Variants in CNTN5 observed in about 807,000 individuals in gnomAD.
CNTN5 encodes contactin 5.
Under a neutral mutation model 129.1 loss-of-function variants are expected in CNTN5, and 77 were observed. The observed-to-expected ratio is 0.60, with a 90% CI of 0.50 to 0.72. The LOEUF is 0.72. Among genes scored for constraint, CNTN5 ranks in the 30% least tolerant of loss-of-function variants. The pLI, the probability that CNTN5 is intolerant of heterozygous loss-of-function variation, is 0.00. For synonymous variants in CNTN5, 509 were observed against 465.6 expected (o/e 1.09, Z -1.20); for missense variants, 1,478 against 1,328.8 (o/e 1.11, Z -1.75).
chr11:99,353,746 G>T (rs1565514502), intron 2 of CNTN5, among the ~76,000 whole-genome samples: 1 of 152,136 alleles, frequency 6.6e-6, no homozygotes, highest in South Asian at 2.1e-4. Context: ...TCTCTGCTGT[G>T]CATCCTGATT....
chr11:100,032,497 CA>C (rs1411187469), intron 9 of CNTN5, among the ~76,000 whole-genome samples: 1 of 151,072 alleles, frequency 6.6e-6, no homozygotes, highest in East Asian at 1.9e-4. Flanking sequence ...ATGTAATTAG[CA>C]AAAAATAATG....
intron 1 of CNTN5, among the ~76,000 whole-genome samples, chr11:99,067,042 ATTTTCCC>A (rs935327863): frequency 1.3e-5 from 2 of 151,982 alleles, no homozygotes; most frequent in Non-Finnish European, 2.9e-5. Context: ...CTTCCCACTT[ATTTTCCC>A]TTTTCTATCA....
Position 99,771,736 on chromosome 11 carries a change from T to G in CNTN5, c.56-47808T>G, listed in dbSNP as rs553211327. On this transcript the variant is annotated intron_variant, in intron 3 of 24. Transcript: ENST00000524871. ...GGGATTTAATATACAGCATGTCAAG[T>G]AAGGTTAATAATGCCGTATTGTAAA... is the stretch of plus-strand genomic sequence containing the variant. Among the ~76,000 whole-genome samples, 37 of 152,102 alleles carry G rather than the reference T, an allele frequency of 2.4e-4. 1 individual carries two copies. Among genetic ancestry groups the G allele is most frequent in the Middle Eastern group, 3.4e-3 (1 of 294 alleles).
At chr11:100,052,183 C>A (rs1469329660) in intron 9 of CNTN5, among the ~76,000 whole-genome samples, 1 of 151,830 alleles carries the variant, frequency 6.6e-6, no homozygotes, top group Non-Finnish European at 1.5e-5. Context: ...ATCCATTATA[C>A]ACGATGAAAC....
At chr11:100,131,816 T>C (rs994206733) in intron 13 of CNTN5, among the ~76,000 whole-genome samples, 2 of 151,858 alleles carry the variant, frequency 1.3e-5, no homozygotes, top group East Asian at 1.9e-4. Context: ...TAGGCTGAAG[T>C]TGGGGGAAGG....
chr11:99,292,475 G>A lies in CNTN5; in HGVS notation c.-209-32871G>A, dbSNP rs915787917. Among the ~76,000 whole-genome samples the A allele has an allele frequency of 7.2e-5, 11 of 151,796 alleles. 1 individual carries two copies. The highest frequency in any genetic ancestry group is 1.7e-4 in the African/African-American group (7 of 41,376). ...AATTTGAAAATTTCTTTCTCTTGTC[G>A]AATTGCTCTGGCTAGGACTTCCAGT... On this transcript the variant is annotated intron_variant, in intron 1 of 24. Coordinates refer to ENST00000524871, the MANE Select transcript of CNTN5 (RefSeq NM_014361.4).
At chr11:99,501,302 C>T (rs1041010825) in intron 2 of CNTN5, among the ~76,000 whole-genome samples, 2 of 152,130 alleles carry the variant, frequency 1.3e-5, no homozygotes, top group Admixed American at 1.3e-4. Flanking sequence ...TCTGCTCCTT[C>T]ATGAAATGAA....
chr11:99,459,242 A>T (rs1944602423), intron 2 of CNTN5, among the ~76,000 whole-genome samples: 1 of 151,960 alleles, frequency 6.6e-6, no homozygotes. Context: ...AAGTTTGAGG[A>T]CTATGAAGGA....
chr11:99,878,871 A>C (rs532558251), intron 6 of CNTN5, among the ~76,000 whole-genome samples: 1 of 151,998 alleles, frequency 6.6e-6, no homozygotes, highest in African/African-American at 2.4e-5. Flanking sequence ...ATAATTAATA[A>C]TTTTTTTTAA....
chr11:99,989,616 T>G (rs1938923671), intron 8 of CNTN5, among the ~76,000 whole-genome samples: 1 of 152,186 alleles, frequency 6.6e-6, no homozygotes, highest in Non-Finnish European at 1.5e-5. Flanking sequence ...TTGTTTCTGA[T>G]TACATGCATG....
At chr11:99,894,941 G>A (rs1007643521) in intron 6 of CNTN5, among the ~76,000 whole-genome samples, 1 of 152,150 alleles carries the variant, frequency 6.6e-6, no homozygotes, top group Non-Finnish European at 1.5e-5. Context: ...ACTGCCCAAA[G>A]TCACCAGAGT....
chr11:99,926,272 G>C (rs1950060277), intron 7 of CNTN5, among the ~76,000 whole-genome samples: 1 of 152,134 alleles, frequency 6.6e-6, no homozygotes, highest in African/African-American at 2.4e-5. Context: ...GCAACTAGAA[G>C]ATGAATGGCA....
chr11:99,488,234 G>A (rs939015394), intron 2 of CNTN5, among the ~76,000 whole-genome samples: 4 of 143,518 alleles, frequency 2.8e-5, no homozygotes, highest in East Asian at 2.2e-4. Context: ...GTGCAGTGGC[G>A]CGATCTCGGC....
intron 4 of CNTN5, among the ~76,000 whole-genome samples, chr11:99,841,882 A>G (rs1296012695): frequency 0.014 from 273 of 20,208 alleles, no homozygotes; most frequent in African/African-American, 0.023. Flanking sequence ...ACACATACAT[A>G]TACATATATA....
At chr11:99,197,237 A>G (rs1858948462) in intron 1 of CNTN5, among the ~76,000 whole-genome samples, 1 of 152,006 alleles carries the variant, frequency 6.6e-6, no homozygotes, top group African/African-American at 2.4e-5. Context: ...TTATACAATT[A>G]AAATTATAAA....
Position 99,658,930 on chromosome 11 carries a change from C to T in CNTN5, c.55+102661C>T, listed in dbSNP as rs1403550765. Among the ~76,000 whole-genome samples the T allele has an allele frequency of 2.0e-5, 3 of 150,584 alleles. No homozygotes were observed. The East Asian group carries it at 5.8e-4, about 29-fold the overall frequency. ...AGAAAAAGAAAAATATAATGAGTGC[C>T]ATTGCCCTGTCTAGAACCCTCTTCC... On this transcript the variant is annotated intron_variant, in intron 3 of 24. Coordinates refer to ENST00000524871, the MANE Select transcript of CNTN5 (RefSeq NM_014361.4).
At chr11:99,688,576 CCA>C (rs1423538215) in intron 3 of CNTN5, among the ~76,000 whole-genome samples, 5 of 151,846 alleles carry the variant, frequency 3.3e-5, no homozygotes, top group Middle Eastern at 3.4e-3. Flanking sequence ...ATTTTTTTTT[CCA>C]CAGTGTTTTT....
intron 7 of CNTN5, among the ~76,000 whole-genome samples, chr11:99,951,674 A>G (rs1312080673): frequency 6.6e-6 from 1 of 152,148 alleles, no homozygotes; most frequent in Non-Finnish European, 1.5e-5. Flanking sequence ...TGTAAAAATG[A>G]TCTTTTTCTC....
At chr11:99,067,892 A>G (rs182118615) in intron 1 of CNTN5, among the ~76,000 whole-genome samples, 1 of 152,222 alleles carries the variant, frequency 6.6e-6, no homozygotes, top group African/African-American at 2.4e-5. Context: ...CCATGCAGCA[A>G]GAGAGAGACC....
Sources: allele counts gnomAD v4.1 joint callset (sites outside exome capture counted in the v4.1 genomes callset), GRCh38; gene constraint gnomAD v4.1.1; transcripts MANE v1.5; gene names NCBI Gene and HGNC (gene_info 2026-07-23, HGNC 2026-07-21).